Variants in CUX1 observed in about 807,000 individuals in gnomAD.
CUX1 encodes protein CASP.
Under a neutral mutation model 158.8 loss-of-function variants are expected in CUX1, and 31 were observed. The observed-to-expected ratio is 0.20, with a 90% CI of 0.15 to 0.26. The LOEUF is 0.26. Ranked by LOEUF, CUX1 falls within the 10% of genes least tolerant of loss-of-function variation. The pLI is 1.00. For synonymous variants in CUX1, 879 were observed against 862.1 expected (o/e 1.02, Z -0.34); for missense variants, 1,589 against 2,014.6 (o/e 0.79, Z 4.04).
chr7:101,843,638 G>GT (rs1003795610), intron 1 of CUX1, among the ~76,000 whole-genome samples: 1 of 151,966 alleles, frequency 6.6e-6, no homozygotes, highest in African/African-American at 2.4e-5. Context: ...ACTGCCTGGA[G>GT]TAGGGATTCC....
intron 1 of CUX1, among the ~76,000 whole-genome samples, chr7:101,907,619 G>A (rs1171845050): frequency 1.3e-5 from 2 of 152,122 alleles, no homozygotes; most frequent in Non-Finnish European, 2.9e-5. Flanking sequence ...AAAGTTCTGG[G>A]ATTACAGGTG....
At chr7:101,864,066 G>A (rs1266017433) in intron 1 of CUX1, among the ~76,000 whole-genome samples, 1 of 152,042 alleles carries the variant, frequency 6.6e-6, no homozygotes, top group Non-Finnish European at 1.5e-5. Context: ...CCCAAAAGTG[G>A]AATTCTGTTT....
chr7:101,970,853 GC>G (rs1181421809), intron 2 of CUX1, among the ~76,000 whole-genome samples: 4 of 152,144 alleles, frequency 2.6e-5, no homozygotes, highest in Non-Finnish European at 4.4e-5. Flanking sequence ...CCTGCACCCG[GC>G]TGAACCTTCC....
chr7:101,902,830 T>A (rs918198576), intron 1 of CUX1, among the ~76,000 whole-genome samples: 1 of 152,192 alleles, frequency 6.6e-6, no homozygotes, highest in African/African-American at 2.4e-5. Flanking sequence ...TCTTGCTGTG[T>A]TGTCCAGGCA....
chr7:101,873,492 T>A (rs1798805854), intron 1 of CUX1, among the ~76,000 whole-genome samples: 1 of 134,616 alleles, frequency 7.4e-6, no homozygotes, highest in Non-Finnish European at 1.6e-5. Flanking sequence ...CCTGGTATTA[T>A]GTTGGCTTTA....
chr7:102,142,313 G>A (rs1834550016), intron 8 of CUX1, among the ~76,000 whole-genome samples: 1 of 152,180 alleles, frequency 6.6e-6, no homozygotes, highest in Non-Finnish European at 1.5e-5. Flanking sequence ...CTGAAAGGTG[G>A]TTCTGAAAGA....
chr7:102,267,493 C>A (rs1554545321), intron 14 of CUX1, among the ~76,000 whole-genome samples: 14 of 152,114 alleles, frequency 9.2e-5, no homozygotes. Flanking sequence ...GAGATCATAC[C>A]ATTGCACTCT....
chr7:102,058,739 A>G (rs1824438822), intron 3 of CUX1, among the ~76,000 whole-genome samples: 5 of 152,292 alleles, frequency 3.3e-5, no homozygotes, highest in African/African-American at 1.2e-4. Context: ...ACTCACAACA[A>G]TGGTGATGTG....
At chr7:101,958,638 G>C (rs1350214451) in intron 2 of CUX1, among the ~76,000 whole-genome samples, 1 of 151,408 alleles carries the variant, frequency 6.6e-6, no homozygotes, top group Non-Finnish European at 1.5e-5. Flanking sequence ...GCACCACCAT[G>C]CCTGGCTAAT....
chr7:101,860,280 T>C (rs1419397311), intron 1 of CUX1, among the ~76,000 whole-genome samples: 2 of 152,310 alleles, frequency 1.3e-5, no homozygotes, highest in Non-Finnish European at 2.9e-5. Context: ...CCCAGCATGA[T>C]CAGTTCCAAA....
intron 11 of CUX1, among the ~76,000 whole-genome samples, chr7:102,184,416 G>A (rs1216971333): frequency 2.0e-5 from 3 of 152,190 alleles, no homozygotes; most frequent in Non-Finnish European, 4.4e-5. Flanking sequence ...CAACAGGCGT[G>A]TTTGATTGGC....
chr7:101,972,527 C>G (rs1420082651), intron 2 of CUX1, among the ~76,000 whole-genome samples: 1 of 152,214 alleles, frequency 6.6e-6, no homozygotes, highest in Non-Finnish European at 1.5e-5. Flanking sequence ...TGAAGAGGGC[C>G]AGGAGCACGG....
intron 1 of CUX1, among the ~76,000 whole-genome samples, chr7:101,893,787 C>T (rs1297631763): frequency 6.6e-6 from 1 of 152,190 alleles, no homozygotes; most frequent in East Asian, 1.9e-4. Flanking sequence ...AAGTGCATCT[C>T]ATGCAGATAA....
Position 101,916,291 on chromosome 7 carries a change from C to T in CUX1, c.141+66C>T, listed in dbSNP as rs187937105. 925 of 1,030,120 alleles carry T rather than the reference C, an allele frequency of 9.0e-4. 9 individuals are homozygous for T. The African/African-American group carries it at 0.013, about 14-fold the overall frequency. 63.8% of individuals were successfully genotyped at this position (1,030,120 alleles called of 1,614,324 possible). A position where few individuals can be genotyped will look rare whatever the true frequency, so the allele number is the denominator to read the frequency against. On this transcript the variant is annotated intron_variant, in intron 2 of 23. Coordinates refer to ENST00000292535, the MANE Select transcript of CUX1 (RefSeq NM_181552.4). The surrounding 1 kb of genome is among the most constrained non-coding windows in gnomAD (Gnocchi z 4.4). ...AGAATGCTGGTGCATGTTCAGGCGA[C>T]GCTCCGTGAGCGTTTCATTTTCATC...
At position 102,072,025 on chromosome 7, in the gene CUX1, A is replaced by AG. The variant is rs373383583; in HGVS notation, c.268+1610dup. 3.8e-4 allele frequency among the ~76,000 whole-genome samples: 58 copies of AG among 152,336 alleles called. 1 individual carries two copies. Among genetic ancestry groups the AG allele is most frequent in the African/African-American group, 1.3e-3 (53 of 41,584 alleles). ...CTGAAGAACCTGACTGAGCTTCACG[A>AG]GGAGGCTCCTTCACAGTAAAATGGA... On this transcript the variant is annotated intron_variant, in intron 4 of 23. Transcript: ENST00000292535.
rs149158212 is a variant in CUX1 at position 102,056,254 on chromosome 7, A to G, written c.190-14085A>G. Among the ~76,000 whole-genome samples the G allele has an allele frequency of 6.2e-3, 946 of 152,334 alleles. 14 individuals carry two copies. Among genetic ancestry groups the G allele is most frequent in the African/African-American group, 0.022 (915 of 41,572 alleles). On this transcript the variant is annotated intron_variant, in intron 3 of 23. Coordinates refer to ENST00000292535, the MANE Select transcript of CUX1 (RefSeq NM_181552.4). Reference sequence around the variant, plus strand: ...TGATGGCGCTACACAACAGATTTTCAATGTAGGTAAAATAACCTTCTCTTG... The same window carrying G: ...TGATGGCGCTACACAACAGATTTTCGATGTAGGTAAAATAACCTTCTCTTG...
In CUX1 at chr7:102,196,977, A is replaced by G. The variant is rs1212610456; in HGVS notation, c.1566A>G (p.Pro522=). 2.5e-6 allele frequency: 4 copies of G among 1,614,128 alleles called. No individual in the cohort carries two copies. Among genetic ancestry groups the G allele is most frequent in the Non-Finnish European group, 3.4e-6 (4 of 1,180,060 alleles). ...YSTNSISSQS[P]LQQSPDVNGM... ...CAAACTCCATATCTTCCCAAAGTCC[A>G]TTACAACAAAGCCCAGATGTCAATG... The change falls in exon 15 of 24, where the codon CCA becomes CCG. Residue 522 remains proline, a synonymous_variant. Coordinates refer to ENST00000292535, the MANE Select transcript of CUX1 (RefSeq NM_181552.4).
chr7:102,239,483 G>GT lies in CUX1; in HGVS notation c.3787dup (p.Tyr1263LeufsTer44). 1 of 1,614,132 alleles carries GT rather than the reference G, an allele frequency of 6.2e-7. No individual in the cohort carries two copies. The highest frequency in any genetic ancestry group is 8.5e-7 in the Non-Finnish European group (1 of 1,179,996). ...AGGAGAAGGAGGCGCTGAAACGAGC[G>GT]TATCAGCAAAAGCCATACCCGTCAC... is the stretch of plus-strand genomic sequence containing the variant. On this transcript the variant is annotated frameshift_variant, in exon 23 of 24. Coordinates refer to ENST00000292535, the MANE Select transcript of CUX1 (RefSeq NM_181552.4). LOFTEE classifies it high-confidence loss of function.
At chr7:102,135,582 T>C (rs1254306248) in intron 8 of CUX1, among the ~76,000 whole-genome samples, 4 of 151,610 alleles carry the variant, frequency 2.6e-5, no homozygotes, top group African/African-American at 4.8e-5. Context: ...TGTGTGTGTG[T>C]GTGTGTATGT....
Sources: allele counts gnomAD v4.1 joint callset (sites outside exome capture counted in the v4.1 genomes callset), GRCh38; gene constraint gnomAD v4.1.1; non-coding constraint Gnocchi (gnomAD v3.1); transcripts MANE v1.5; gene names NCBI Gene and HGNC (gene_info 2026-07-23, HGNC 2026-07-21).